Variants in SH3GL2 observed in about 807,000 individuals in gnomAD.
The protein encoded by SH3GL2 is endophilin-A1.
A neutral mutation model predicts 46.0 loss-of-function variants in SH3GL2; 24 were observed. The ratio of observed to expected loss-of-function variants is 0.52; its 90% CI spans 0.38 to 0.73. The LOEUF (loss-of-function observed/expected upper bound fraction) is 0.73, where lower values mean the gene tolerates loss of function less well. SH3GL2 is among the 30% of genes least tolerant of loss of function. SH3GL2 has a pLI of 0.00. For missense variants in SH3GL2, 413 were observed against 424.2 expected, an observed-to-expected ratio of 0.97 and a Z score of 0.23; for synonymous variants, 196 against 147.1, an observed-to-expected ratio of 1.33 and a Z score of -2.40.
At chr9:17,587,971 A>G (rs1015426763) in intron 1 of SH3GL2, among the ~76,000 whole-genome samples, 6 of 151,962 alleles carry the variant, frequency 3.9e-5, no homozygotes, top group Admixed American at 2.6e-4. Context: ...TCATTTGCCA[A>G]TTTCTATGAT....
At chr9:17,615,321 A>G (rs1228025140) in intron 1 of SH3GL2, among the ~76,000 whole-genome samples, 1 of 152,118 alleles carries the variant, frequency 6.6e-6, no homozygotes, top group East Asian at 1.9e-4. Context: ...GGTATTTAAG[A>G]TGTATATTCT....
intron 1 of SH3GL2, among the ~76,000 whole-genome samples, chr9:17,698,763 A>C (rs1421080429): frequency 6.6e-6 from 1 of 152,220 alleles, no homozygotes; most frequent in Non-Finnish European, 1.5e-5. Context: ...GGTCACAAGT[A>C]CAGATGTTTC....
chr9:17,683,722 G>A (rs1247927876), intron 1 of SH3GL2, among the ~76,000 whole-genome samples: 2 of 152,024 alleles, frequency 1.3e-5, no homozygotes, highest in South Asian at 2.1e-4. Flanking sequence ...GGGGAGTGGG[G>A]AGAACATGGA....
chr9:17,755,787 C>T, intron 2 of SH3GL2: 3 of 985,046 alleles, frequency 3.0e-6, no homozygotes, highest in Non-Finnish European at 3.6e-6. Context: ...TTCACGAGTC[C>T]TTACACCTAA....
At chr9:17,650,649 G>A (rs1341521529) in intron 1 of SH3GL2, among the ~76,000 whole-genome samples, 1 of 152,162 alleles carries the variant, frequency 6.6e-6, no homozygotes, top group Non-Finnish European at 1.5e-5. Context: ...GAGTCACCAC[G>A]CTCGGCCTTG....
intron 7 of SH3GL2, 88 bp from the exon 8 acceptor site, chr9:17,793,279 C>G (rs1300114950): frequency 8.2e-7 from 1 of 1,212,190 alleles, no homozygotes; most frequent in Non-Finnish European, 1.2e-6. Flanking sequence ...GTGGGTGACC[C>G]AAGCATTTCC....
At chr9:17,750,977 AAGAG>A (rs779846488) in intron 2 of SH3GL2, among the ~76,000 whole-genome samples, 5 of 152,166 alleles carry the variant, frequency 3.3e-5, no homozygotes, top group Non-Finnish European at 7.3e-5. Flanking sequence ...GGCTTCCTAG[AAGAG>A]AGAGGGCGTC....
At chr9:17,646,874 A>G (rs1819831435) in intron 1 of SH3GL2, among the ~76,000 whole-genome samples, 1 of 152,234 alleles carries the variant, frequency 6.6e-6, no homozygotes, top group African/African-American at 2.4e-5. Context: ...TTGAGGAGGC[A>G]GTCTGTCCGT....
At chr9:17,653,509 T>A (rs1260455500) in intron 1 of SH3GL2, among the ~76,000 whole-genome samples, 1 of 152,186 alleles carries the variant, frequency 6.6e-6, no homozygotes, top group East Asian at 1.9e-4. Flanking sequence ...CTTTTATTGA[T>A]GGTGCTTCTG....
chr9:17,725,467 C>T (rs1177407905), intron 1 of SH3GL2, among the ~76,000 whole-genome samples: 1 of 152,122 alleles, frequency 6.6e-6, no homozygotes, highest in African/African-American at 2.4e-5. Flanking sequence ...TTTGACAATG[C>T]TCTTAGGCGT....
At position 17,758,561 on chromosome 9, in the gene SH3GL2, C is replaced by CAAAAAAAAAAAAAAAAAAAAA. The variant is rs57019804; in HGVS notation, c.115-2862_115-2842dup. ...TGGGGGAGAGAGTAAGACCCTGTCT[C>CAAAAAAAAAAAAAAAAAAAAA]AAAAAAAAAAAAAAAAAAAAAAAAA... On this transcript the variant is annotated intron_variant, in intron 2 of 8. Coordinates refer to ENST00000380607, the MANE Select transcript of SH3GL2 (RefSeq NM_003026.5). 7.5e-4 allele frequency among the ~76,000 whole-genome samples: 22 copies of CAAAAAAAAAAAAAAAAAAAAA among 29,228 alleles called. 5 individuals are homozygous for CAAAAAAAAAAAAAAAAAAAAA. Among genetic ancestry groups the CAAAAAAAAAAAAAAAAAAAAA allele is most frequent in the East Asian group, 3.2e-3 (1 of 314 alleles). The allele number at this position is 29,228 out of a possible 152,430, so 19.2% of individuals were successfully genotyped here. A position where few individuals can be genotyped will look rare whatever the true frequency, so the allele number is the denominator to read the frequency against.
intron 1 of SH3GL2, among the ~76,000 whole-genome samples, chr9:17,698,182 G>T (rs12004044): frequency 0.023 from 3,509 of 152,284 alleles, 143 homozygotes; most frequent in African/African-American, 0.081. Flanking sequence ...CTGGCTTCAA[G>T]TCCAGATGCA....
chr9:17,600,546 A>T (rs1818652237), intron 1 of SH3GL2, among the ~76,000 whole-genome samples: 1 of 152,232 alleles, frequency 6.6e-6, no homozygotes, highest in South Asian at 2.1e-4. Flanking sequence ...GACAGGGATC[A>T]TTCAGCTGCA....
chr9:17,690,227 G>C (rs1422864000), intron 1 of SH3GL2, among the ~76,000 whole-genome samples: 1 of 152,096 alleles, frequency 6.6e-6, no homozygotes, highest in East Asian at 1.9e-4. Flanking sequence ...GCTCAGTAGC[G>C]TTTATGGGAT....
chr9:17,770,762 G>A (rs1227698100), intron 3 of SH3GL2, among the ~76,000 whole-genome samples: 2 of 152,202 alleles, frequency 1.3e-5, no homozygotes, highest in African/African-American at 4.8e-5. Flanking sequence ...AAGGAACTGG[G>A]GGTAGTCTCT....
intron 1 of SH3GL2, among the ~76,000 whole-genome samples, chr9:17,607,389 G>A (rs1182463223): frequency 2.6e-5 from 4 of 152,186 alleles, no homozygotes; most frequent in Non-Finnish European, 5.9e-5. Context: ...ATTAAAAATA[G>A]TATAACTGTA....
intron 1 of SH3GL2, among the ~76,000 whole-genome samples, chr9:17,644,200 A>G (rs1472420235): frequency 6.6e-6 from 1 of 151,290 alleles, no homozygotes; most frequent in Non-Finnish European, 1.5e-5. Flanking sequence ...ATCATTTTTT[A>G]TTGTGCCTAT....
intron 1 of SH3GL2, among the ~76,000 whole-genome samples, chr9:17,717,700 T>A (rs1483781811): frequency 6.6e-6 from 1 of 152,106 alleles, no homozygotes; most frequent in African/African-American, 2.4e-5. Flanking sequence ...AACAGAAGTA[T>A]GCCAGGCATG....
At chr9:17,638,224 AG>A (rs1407471919) in intron 1 of SH3GL2, among the ~76,000 whole-genome samples, 1 of 152,070 alleles carries the variant, frequency 6.6e-6, no homozygotes, top group Non-Finnish European at 1.5e-5. Context: ...GATATCCTAG[AG>A]GGGCCCTTAA....
Sources: gnomAD v4.1 joint callset for allele counts (sites outside exome capture counted in the v4.1 genomes callset) on GRCh38, gnomAD v4.1.1 for gene constraint, MANE v1.5 for transcripts, NCBI Gene and HGNC (gene_info 2026-07-23, HGNC 2026-07-21) for gene names.